TANC2: variants seen among roughly 807,000 people sequenced by gnomAD.
TANC2 encodes protein TANC2.
In TANC2, 26 loss-of-function variants were observed where a neutral mutation model predicts 210.5. The observed-to-expected ratio is 0.12, with a 90% CI of 0.09 to 0.17. The LOEUF (loss-of-function observed/expected upper bound fraction) is 0.17. TANC2 is among the 10% of genes least tolerant of loss of function. TANC2 has a pLI of 1.00. For missense variants in TANC2, 2,129 were observed against 2,608.9 expected (o/e 0.82, Z 4.01); for synonymous variants, 931 against 967.1 (o/e 0.96, Z 0.69).
intron 3 of TANC2, among the ~76,000 whole-genome samples, chr17:63,085,212 A>G (rs548677850): frequency 6.6e-6 from 1 of 152,242 alleles, no homozygotes; most frequent in African/African-American, 2.4e-5. Context: ...TGACTCCTTT[A>G]AAGTTAGTTT....
chr17:63,077,176 C>G (rs1467981171), intron 3 of TANC2, among the ~76,000 whole-genome samples: 1 of 152,148 alleles, frequency 6.6e-6, no homozygotes, highest in African/African-American at 2.4e-5. Flanking sequence ...CTTTGCACTT[C>G]TCAGTCGTAG....
In TANC2 at chr17:63,420,684, A is replaced by G. The variant is rs1457054156; in HGVS notation, c.4954A>G (p.Thr1652Ala). The stretch of plus-strand genomic sequence containing the variant: ...TTCACCCGTGCGCTATCAGCAGGAA[A>G]CAAGCGTCAGTCAGCTTCCTGGCAG... The change falls in exon 28 of 28, where the codon ACA becomes GCA. Residue 1652 changes from threonine (T) to alanine (A), a missense_variant. By Grantham distance (58) the Thr-to-Ala change is moderately conservative. Transcript: ENST00000689528. The surrounding 1 kb of genome is among the most constrained non-coding windows in gnomAD (Gnocchi z 4.2). The G allele has an allele frequency of 1.9e-6, 3 of 1,613,644 alleles. No individual in the cohort carries two copies. The highest frequency in any genetic ancestry group is 2.2e-5 in the East Asian group (1 of 44,880).
In TANC2 at chr17:63,178,059, C is replaced by T. The variant is rs527896167; in HGVS notation, c.434-15932C>T. On this transcript the variant is annotated intron_variant, in intron 5 of 27. Coordinates refer to ENST00000689528, the Ensembl canonical transcript of TANC2. ...AAAACCAACTGCCCTGGGCCAGGTG[C>T]GGTGGCTCACGCCCGTAATCCCAGC... 5.3e-5 allele frequency among the ~76,000 whole-genome samples: 8 copies of T among 152,308 alleles called. No homozygotes were observed. The East Asian group carries it at 1.5e-3, about 29-fold the overall frequency.
At chr17:63,043,713 A>T (rs2035276380) in intron 2 of TANC2, among the ~76,000 whole-genome samples, 2 of 152,160 alleles carry the variant, frequency 1.3e-5, no homozygotes. Flanking sequence ...CTTTTCTGCT[A>T]CATCTTTCAA....
At chr17:63,251,419 A>C (rs1186419686) in intron 8 of TANC2, among the ~76,000 whole-genome samples, 1 of 152,178 alleles carries the variant, frequency 6.6e-6, no homozygotes, top group Non-Finnish European at 1.5e-5. Context: ...GTACAACTAG[A>C]AGAACAAAGG....
intron 11 of TANC2, among the ~76,000 whole-genome samples, chr17:63,325,135 A>G (rs2045607614): frequency 1.3e-5 from 2 of 152,020 alleles, no homozygotes; most frequent in African/African-American, 4.8e-5. Context: ...AGAAGAAGTG[A>G]CCTTGACCTC....
At chr17:63,030,591 C>A (rs1054273519) in intron 2 of TANC2, among the ~76,000 whole-genome samples, 2 of 151,848 alleles carry the variant, frequency 1.3e-5, no homozygotes, top group African/African-American at 4.8e-5. Flanking sequence ...TGCCACCCCC[C>A]ACCCCCCGAT....
chr17:63,181,624 A>G (rs1026856925), intron 5 of TANC2, among the ~76,000 whole-genome samples: 2 of 152,204 alleles, frequency 1.3e-5, no homozygotes, highest in South Asian at 2.1e-4. Context: ...CAGAAATTTC[A>G]CTTGACACCG....
exon 21 of TANC2, chr17:63,406,200 A>G (rs757405529): frequency 1.9e-6 from 3 of 1,613,838 alleles, no homozygotes; most frequent in Non-Finnish European, 2.5e-6. Flanking sequence ...AACATGGCAG[A>G]CAAGCAGGGC....
chr17:63,050,359 G>GA (rs755089558), intron 2 of TANC2, among the ~76,000 whole-genome samples: 4,362 of 84,780 alleles, frequency 0.051, 161 homozygotes, highest in African/African-American at 0.15. Flanking sequence ...CCTGTTTCAA[G>GA]AAAAAAAAAA....
At chr17:63,228,053 G>A (rs1010299674) in intron 7 of TANC2, among the ~76,000 whole-genome samples, 7 of 151,294 alleles carry the variant, frequency 4.6e-5, no homozygotes, top group South Asian at 2.1e-4. Flanking sequence ...TAGTAGAGAC[G>A]GGTTTCACTG....
intron 1 of TANC2, among the ~76,000 whole-genome samples, chr17:62,984,212 G>C (rs1472864938): frequency 6.6e-6 from 1 of 151,988 alleles, no homozygotes; most frequent in East Asian, 1.9e-4. Flanking sequence ...TTGTTAGCTT[G>C]TATGTCTCCA....
intron 7 of TANC2, among the ~76,000 whole-genome samples, chr17:63,223,753 T>C (rs1325183788): frequency 1.3e-5 from 2 of 151,922 alleles, no homozygotes; most frequent in African/African-American, 4.8e-5. Flanking sequence ...TAACGAGCAG[T>C]GAGGGCAAGC....
At chr17:63,393,244 G>T (rs117056951) in intron 17 of TANC2, 15 of 152,122 alleles carry the variant, frequency 9.9e-5, no homozygotes, top group Non-Finnish European at 1.0e-4. Flanking sequence ...TATATTTTTG[G>T]CAAGAATACC....
At chr17:63,133,769 A>G (rs2038999672) in intron 4 of TANC2, among the ~76,000 whole-genome samples, 1 of 152,212 alleles carries the variant, frequency 6.6e-6, no homozygotes. Flanking sequence ...TTCTCAAAAC[A>G]CTATTCTGAG....
intron 3 of TANC2, among the ~76,000 whole-genome samples, chr17:63,079,285 A>G (rs1392671367): frequency 2.0e-5 from 3 of 152,142 alleles, no homozygotes; most frequent in Non-Finnish European, 4.4e-5. Context: ...CCTGGTGTGT[A>G]GCTCCAGGAT....
intron 7 of TANC2, among the ~76,000 whole-genome samples, chr17:63,207,211 CTTT>C (rs948663767): frequency 3.5e-5 from 4 of 113,788 alleles, no homozygotes; most frequent in Non-Finnish European, 5.4e-5. Context: ...TTTTTTTTTC[CTTT>C]TTTTTTTTTT....
chr17:63,313,607 T>C (rs1181538883), intron 9 of TANC2: 1 of 152,166 alleles, frequency 6.6e-6, no homozygotes, highest in African/African-American at 2.4e-5. Context: ...TATTTTTTAA[T>C]TGGCATCAAT....
chr17:63,320,388 T>A (rs1657263562), intron 11 of TANC2: 1 of 152,192 alleles, frequency 6.6e-6, no homozygotes. Context: ...TACCACCTTG[T>A]TCTCCTGGGA....
Sources: allele counts gnomAD v4.1 joint callset (sites outside exome capture counted in the v4.1 genomes callset), GRCh38; gene constraint gnomAD v4.1.1; non-coding constraint Gnocchi (gnomAD v3.1); transcripts MANE v1.5; gene names NCBI Gene and HGNC (gene_info 2026-07-23, HGNC 2026-07-21).